Variants in CIAO3 observed in about 807,000 individuals in gnomAD.
CIAO3 encodes cytosolic iron-sulfur assembly component 3, also known as LET1 like/JFP15.
A neutral mutation model predicts 51.5 loss-of-function variants in CIAO3; 45 were observed. That is an observed-to-expected ratio of 0.87 (90% CI 0.69 to 1.12). The LOEUF (loss-of-function observed/expected upper bound fraction) is 1.12. Ranked by LOEUF, CIAO3 falls within the 50% of genes most tolerant of loss-of-function variation. The pLI is 0.00. For synonymous variants in CIAO3, 314 were observed against 269.3 expected, an observed-to-expected ratio of 1.17 and a Z score of -1.63; for missense variants, 668 against 632.5, an observed-to-expected ratio of 1.06 and a Z score of -0.60.
chr16:740,792 C>G (rs1052929566), intron 1 of CIAO3, 128 bp downstream of exon 1: 1 of 960,304 alleles, frequency 1.0e-6, no homozygotes, highest in African/African-American at 1.7e-5. Context: ...GAGTCCCTGA[C>G]GGCCCAGACC....
rs1345982969 is a variant in CIAO3, at chr16:737,654, C to A, written c.163-325G>T. 1 of 1,341,538 alleles carries A rather than the reference C, an allele frequency of 7.5e-7. No individual in the cohort carries two copies. 83.1% of individuals were successfully genotyped at this position (1,341,538 alleles called of 1,614,324 possible). ...TGGACGGGGTGCTGGCCCCGGTGCA[C>A]ACTCACAGGGCTGTAGGGCAGGAAA... On this transcript the variant is annotated intron_variant, in intron 2 of 10. Coordinates refer to ENST00000251588, the MANE Select transcript of CIAO3 (RefSeq NM_022493.3). The surrounding 1 kb of genome is among the most constrained non-coding windows in gnomAD (Gnocchi z 5.3).
chr16:730,243 C>T lies in CIAO3; in HGVS notation c.*174G>A. 1 of 659,144 alleles carries T rather than the reference C, an allele frequency of 1.5e-6. No homozygotes were observed. Among genetic ancestry groups the T allele is most frequent in the South Asian group, 1.9e-5 (1 of 52,448 alleles). The allele number at this position is 659,144 out of a possible 1,614,324, so 40.8% of individuals were successfully genotyped here. A position where few individuals can be genotyped will look rare whatever the true frequency, so the allele number is the denominator to read the frequency against. ...CAGAGCCAGTGGGAACCCAGAGGCA[C>T]CCAACTGGAGGTGACGAGGCGGCTG... On this transcript the variant is annotated 3_prime_UTR_variant, in exon 11 of 11. Coordinates refer to ENST00000251588, the MANE Select transcript of CIAO3 (RefSeq NM_022493.3).
intron 7 of CIAO3, 162 bp downstream of exon 7, chr16:733,136 C>G: frequency 1.1e-6 from 1 of 906,336 alleles, no homozygotes; most frequent in Non-Finnish European, 1.6e-6. Context: ...ATGGGCCCAC[C>G]TGGCTCCAAG....
intron 2 of CIAO3, 73 bp downstream of exon 2, chr16:739,570 C>T (rs773037236): frequency 9.7e-6 from 14 of 1,448,288 alleles, no homozygotes; most frequent in African/African-American, 5.6e-5. Flanking sequence ...CGCTCTGTGA[C>T]GGGAGGAAGC....
rs368360608 is a variant in CIAO3 at position 732,330 on chromosome 16, G to A, written c.867C>T (p.Pro289=). ...RLLEEEGVSL[P]DLEPAPLDSL... ...TGTCCAGAGGGGCTGGTTCCAGGTCGGGGAGGGAGACGCCCTCTTCCTCCA... is the reference window on the plus strand; with the variant it reads ...TGTCCAGAGGGGCTGGTTCCAGGTCAGGGAGGGAGACGCCCTCTTCCTCCA... Residue 289 remains proline, a synonymous_variant, in exon 8 of 11, where the codon CCC becomes CCT. Coordinates refer to ENST00000251588, the MANE Select transcript of CIAO3 (RefSeq NM_022493.3). 2.5e-5 allele frequency: 40 copies of A among 1,612,742 alleles called. No individual in the cohort carries two copies. Among genetic ancestry groups the A allele is most frequent in the South Asian group, 1.8e-4 (16 of 91,068 alleles).
Position 734,700 on chromosome 16 carries a change from G to C in CIAO3, c.574+37C>G, listed in dbSNP as rs373388424. ...ATCACCTCACGTTTCAACTGCACTT[G>C]AACTTGACTCTCCCACCACCCGCAC... On this transcript the variant is annotated intron_variant, in intron 5 of 10. Coordinates refer to ENST00000251588, the MANE Select transcript of CIAO3 (RefSeq NM_022493.3). The C allele has an allele frequency of 1.1e-3, 1,816 of 1,612,670 alleles. 40 individuals are homozygous for C. The South Asian group carries it at 0.018, about 16-fold the overall frequency.
intron 4 of CIAO3, 69 bp downstream of exon 4, chr16:736,197 A>G: frequency 1.3e-6 from 2 of 1,592,948 alleles, no homozygotes; most frequent in Non-Finnish European, 1.7e-6. Context: ...CAGAGGCGCG[A>G]GGGGCCTGGG....
In CIAO3 at chr16:730,842, C is replaced by T; in HGVS notation, c.1192+1G>A. The T allele has an allele frequency of 6.2e-7, 1 of 1,612,620 alleles. No homozygotes were observed. The highest frequency in any genetic ancestry group is 8.5e-7 in the Non-Finnish European group (1 of 1,179,944). On this transcript the variant is annotated splice_donor_variant, in intron 10 of 10. Transcript: ENST00000251588. LOFTEE classifies it high-confidence loss of function. Reference sequence around the variant, plus strand: ...CGTGTCCTGTCCCTTGCAGGAGCTACCTGAGGGGCAGGCCATGACCTCCAC... The same window carrying T: ...CGTGTCCTGTCCCTTGCAGGAGCTATCTGAGGGGCAGGCCATGACCTCCAC...
chr16:729,842 C>A lies in CIAO3; in HGVS notation c.*575G>T. 3 of 611,436 alleles carry A rather than the reference C, an allele frequency of 4.9e-6. No homozygotes were observed. Among genetic ancestry groups the A allele is most frequent in the Non-Finnish European group, 7.4e-6 (3 of 405,588 alleles). The allele number at this position is 611,436 out of a possible 1,614,324, so 37.9% of individuals were successfully genotyped here. A position where few individuals can be genotyped will look rare whatever the true frequency, so the allele number is the denominator to read the frequency against. On this transcript the variant is annotated 3_prime_UTR_variant, in exon 11 of 11. Transcript: ENST00000251588. ...GGGACCTGGCTGGGGGATGATGCAG[C>A]CCGCGATGGCTGCTGCTTCGTACTT...
At position 734,765 on chromosome 16, in the gene CIAO3, C is replaced by T. The variant is rs9928077; in HGVS notation, c.546G>A (p.Ala182=). 410,950 of 1,611,596 alleles carry T rather than the reference C, an allele frequency of 0.25. 64,341 individuals are homozygous for T. Among genetic ancestry groups the T allele is most frequent in the East Asian group, 0.73 (32,578 of 44,818 alleles). The change falls in exon 5 of 11, where the codon GCG becomes GCA. Residue 182 remains alanine (A), a synonymous_variant. Transcript: ENST00000251588. ...GGCAGGCAGAGGCCAGCAGGGGCAG[C>T]GCCTGTCTGCAGTCGGCCTGTCCTC... ...RFRGQADCRQ[A]LPLLASACPG...
Position 729,974 on chromosome 16 carries a change from C to T in CIAO3, c.*443G>A. Reference sequence around the variant, plus strand: ...CAGGGTTGTGGCGGGACCACCCCTGCAGGTCCAGCTCTGTCTCCCACCTTT... The same window carrying T: ...CAGGGTTGTGGCGGGACCACCCCTGTAGGTCCAGCTCTGTCTCCCACCTTT... On this transcript the variant is annotated 3_prime_UTR_variant, in exon 11 of 11. Transcript: ENST00000251588. 1 of 341,134 alleles carries T rather than the reference C, an allele frequency of 2.9e-6. No individual in the cohort carries two copies. The highest frequency in any genetic ancestry group is 2.5e-5 in the South Asian group (1 of 39,682). The allele number at this position is 341,134 out of a possible 1,614,324, so 21.1% of individuals were successfully genotyped here.
At chr16:731,096 G>T in intron 9 of CIAO3, 96 bp from the exon 10 acceptor site, 1 of 1,493,410 alleles carries the variant, frequency 6.7e-7, no homozygotes, top group Non-Finnish European at 9.1e-7. Flanking sequence ...GGATGACCGG[G>T]TACCTCCCAG....
chr16:737,701 A>G lies in CIAO3; in HGVS notation c.163-372T>C. Reference sequence around the variant, plus strand: ...GAAAATGCCGAAGGTGGGCTCTGAAAGGAGGAGGCGGGAAAGCTGAGGACA... The same window carrying G: ...GAAAATGCCGAAGGTGGGCTCTGAAGGGAGGAGGCGGGAAAGCTGAGGACA... On this transcript the variant is annotated intron_variant, in intron 2 of 10. Transcript: ENST00000251588. The surrounding 1 kb of genome is among the most constrained non-coding windows in gnomAD (Gnocchi z 5.3). 1 of 1,302,520 alleles carries G rather than the reference A, an allele frequency of 7.7e-7. No homozygotes were observed. The allele number at this position is 1,302,520 out of a possible 1,614,324, so 80.7% of individuals were successfully genotyped here.
At position 730,962 on chromosome 16, in the gene CIAO3, C is replaced by T. The variant is rs766226932; in HGVS notation, c.1073G>A (p.Gly358Asp). ...CATTGCGAAGTGCAGCAGCACCTGG[C>T]CCTCCTTCTCCAGTGTCACCTCCTG... Reference protein sequence around the residue: ...DFQEVTLEKEGQVLLHFAMAY... With the variant: ...DFQEVTLEKEDQVLLHFAMAY... Residue 358 changes from glycine (G) to aspartate (D), a missense_variant, in exon 10 of 11, where the codon GGC becomes GAC. By Grantham distance (94) the Gly-to-Asp change is moderately conservative (BLOSUM62 -1). Transcript: ENST00000251588. 19 of 1,612,890 alleles carry T rather than the reference C, an allele frequency of 1.2e-5. No homozygotes were observed. The highest frequency in any genetic ancestry group is 4.5e-5 in the East Asian group (2 of 44,900).
rs980822595 is a variant in CIAO3 at position 730,338 on chromosome 16, GA to G, written c.*78del. 6 of 1,410,710 alleles carry G rather than the reference GA, an allele frequency of 4.3e-6. No individual in the cohort carries two copies. The African/African-American group carries it at 7.1e-5, about 17-fold the overall frequency. The allele number at this position is 1,410,710 out of a possible 1,614,324, so 87.4% of individuals were successfully genotyped here. ...CTGCAGCTCACTCAGAATTTTGGGGGAAGCCCTGGGGTCTTGGGGCATGTGG... is the reference window on the plus strand; with the variant it reads ...CTGCAGCTCACTCAGAATTTTGGGGGAGCCCTGGGGTCTTGGGGCATGTGG... On this transcript the variant is annotated 3_prime_UTR_variant, in exon 11 of 11. Transcript: ENST00000251588.
chr16:730,476 G>C lies in CIAO3; in HGVS notation c.1372C>G (p.Leu458Val). ...GTDSECAGRL[L>V]HTQYHAVEKA... is the part of the protein sequence containing the mutation. Reference sequence around the variant, plus strand: ...TCCACGGCGTGGTACTGCGTATGCAGCAAGCGACCTGCACACTCCGAGTCC... The same window carrying C: ...TCCACGGCGTGGTACTGCGTATGCACCAAGCGACCTGCACACTCCGAGTCC... Residue 458 changes from leucine (L) to valine (V), a missense_variant, in exon 11 of 11, where the codon CTG becomes GTG. Transcript: ENST00000251588. The C allele has an allele frequency of 6.2e-7, 1 of 1,608,390 alleles. No individual in the cohort carries two copies. The highest frequency in any genetic ancestry group is 1.7e-4 in the Middle Eastern group (1 of 6,060).
Position 729,811 on chromosome 16 carries a change from C to A in CIAO3, c.*606G>T. On this transcript the variant is annotated 3_prime_UTR_variant, in exon 11 of 11. Coordinates refer to ENST00000251588, the MANE Select transcript of CIAO3 (RefSeq NM_022493.3). ...ATTAGACAAACGCTGGGAGACAGGC[C>A]TGGTGGGGACCTGGCTGGGGGATGA... The A allele has an allele frequency of 1.1e-6, 1 of 950,956 alleles. No individual in the cohort carries two copies. Among genetic ancestry groups the A allele is most frequent in the Non-Finnish European group, 1.4e-6 (1 of 703,840 alleles). 58.9% of individuals were successfully genotyped at this position (950,956 alleles called of 1,614,324 possible).
chr16:737,435 G>A lies in CIAO3; in HGVS notation c.163-106C>T. On this transcript the variant is annotated intron_variant, in intron 2 of 10. Transcript: ENST00000251588. This position sits in a 1 kb window ranked among gnomAD's most constrained non-coding sequence, Gnocchi z 5.3. ...TAACCGACAACCAACATGGCTGCTG[G>A]CTGGGCTTGTGTGCCGCTGAATTTT... 6.3e-7 allele frequency: 1 copy of A among 1,582,866 alleles called. No individual in the cohort carries two copies. The highest frequency in any genetic ancestry group is 8.6e-7 in the Non-Finnish European group (1 of 1,163,210).
intron 6 of CIAO3, 105 bp from the exon 7 acceptor site, chr16:733,532 A>G: frequency 6.5e-7 from 1 of 1,528,550 alleles, no homozygotes. Flanking sequence ...CCCGAGGGAC[A>G]GTGAGCCTCA....
Sources: gnomAD v4.1 joint callset for allele counts on GRCh38, gnomAD v4.1.1 for gene constraint, Gnocchi (gnomAD v3.1) non-coding constraint, MANE v1.5 for transcripts, NCBI Gene and HGNC (gene_info 2026-07-23, HGNC 2026-07-21) for gene names.